PITPNC1: variants seen among roughly 807,000 people sequenced by gnomAD.
PITPNC1 encodes cytoplasmic phosphatidylinositol transfer protein 1.
Under a neutral mutation model 44.7 loss-of-function variants are expected in PITPNC1, and 18 were observed. The observed-to-expected ratio is 0.40, with a 90% CI of 0.28 to 0.60. The LOEUF is 0.60. PITPNC1 is among the 20% of genes least tolerant of loss of function. PITPNC1 has a pLI of 0.39. For missense variants in PITPNC1, 290 were observed against 418.4 expected (o/e 0.69, Z 2.68); for synonymous variants, 141 against 149.6 (o/e 0.94, Z 0.42).
At chr17:67,570,563 C>T (rs902844839) in intron 4 of PITPNC1, among the ~76,000 whole-genome samples, 1 of 152,178 alleles carries the variant, frequency 6.6e-6, no homozygotes, top group Admixed American at 6.5e-5. Context: ...ATGGAGTGGA[C>T]CAACATCTCT....
At chr17:67,687,004 A>T in intron 8 of PITPNC1, 1 of 901,302 alleles carries the variant, frequency 1.1e-6, no homozygotes, top group African/African-American at 1.6e-5. Flanking sequence ...CTTTCCCTAA[A>T]GTGTCCCCAT....
At chr17:67,621,326 A>G (rs2364953) in intron 5 of PITPNC1, among the ~76,000 whole-genome samples, 7,310 of 151,600 alleles carry the variant, frequency 0.048, 410 homozygotes, top group African/African-American at 0.14. Flanking sequence ...TCCTGCCTCA[A>G]CCTCCCTAGT....
intron 5 of PITPNC1, among the ~76,000 whole-genome samples, chr17:67,588,651 A>G (rs1465616685): frequency 6.6e-6 from 1 of 152,242 alleles, no homozygotes; most frequent in East Asian, 1.9e-4. Flanking sequence ...TCACACATCC[A>G]GTGGGAGTCT....
chr17:67,506,999 A>C (rs2040112674), intron 1 of PITPNC1, among the ~76,000 whole-genome samples: 1 of 152,144 alleles, frequency 6.6e-6, no homozygotes, highest in South Asian at 2.1e-4. Context: ...CGATGCTATA[A>C]TCAGTTGATA....
chr17:67,474,569 A>G (rs1312576443), intron 1 of PITPNC1, among the ~76,000 whole-genome samples: 1 of 152,156 alleles, frequency 6.6e-6, no homozygotes, highest in Non-Finnish European at 1.5e-5. Flanking sequence ...GGCAGTGTCA[A>G]ATGTGCCCTG....
intron 2 of PITPNC1, among the ~76,000 whole-genome samples, chr17:67,538,820 A>C (rs2040565216): frequency 6.6e-6 from 1 of 151,944 alleles, no homozygotes; most frequent in Non-Finnish European, 1.5e-5. Flanking sequence ...AACAAAAACA[A>C]AAAAAACCTT....
At position 67,544,845 on chromosome 17, in the gene PITPNC1, G is replaced by A. The variant is rs187967797; in HGVS notation, c.198-7412G>A. ...AGATCTTCCCCAAAATAAGCTCAGT[G>A]CCCAGAACTTGTGTGGCTTTGGGAT... On this transcript the variant is annotated intron_variant, in intron 2 of 8. Transcript: ENST00000581322. 3.7e-3 allele frequency among the ~76,000 whole-genome samples: 560 copies of A among 152,278 alleles called. 5 individuals are homozygous for A. The highest frequency in any genetic ancestry group is 0.013 in the African/African-American group (520 of 41,544).
rs112100189 is a variant in PITPNC1, at chr17:67,382,338, G to GGTGTGTGTGT, written c.48+4161_48+4170dup. 1.4e-4 allele frequency among the ~76,000 whole-genome samples: 20 copies of GGTGTGTGTGT among 146,092 alleles called. 1 individual carries two copies. Among genetic ancestry groups the GGTGTGTGTGT allele is most frequent in the African/African-American group, 4.7e-4 (19 of 40,140 alleles). ...GATTAGAGTGTTGGTGGGGTTTTTT[G>GGTGTGTGTGT]GTGTGTGTGTGTGTGTGTGTGTGTG... On this transcript the variant is annotated intron_variant, in intron 1 of 8. Transcript: ENST00000581322.
chr17:67,633,713 A>G (rs1420199104), intron 6 of PITPNC1, among the ~76,000 whole-genome samples: 1 of 152,260 alleles, frequency 6.6e-6, no homozygotes, highest in Admixed American at 6.5e-5. Context: ...GAAATCCTAT[A>G]GTTTCATGTC....
intron 1 of PITPNC1, among the ~76,000 whole-genome samples, chr17:67,463,056 CTT>C (rs1025492823): frequency 6.6e-6 from 1 of 152,356 alleles, no homozygotes; most frequent in African/African-American, 2.4e-5. Flanking sequence ...CAACTAAAGA[CTT>C]TGGTTTGCAT....
intron 1 of PITPNC1, among the ~76,000 whole-genome samples, chr17:67,484,678 CTGTAATCTCAGCACTT>C (rs2039752683): frequency 6.6e-6 from 1 of 152,172 alleles, no homozygotes; most frequent in African/African-American, 2.4e-5. Context: ...TGGCTCATGC[CTGTAATCTCAGCACTT>C]TGGGAGGCCG....
chr17:67,662,211 T>G (rs563659543), intron 6 of PITPNC1, among the ~76,000 whole-genome samples: 1 of 152,154 alleles, frequency 6.6e-6, no homozygotes, highest in Non-Finnish European at 1.5e-5. Context: ...CACAGAACTC[T>G]GGGAAGCCGA....
At chr17:67,631,673 A>ATATATATATATATATATATATATATAT (rs1380540532) in intron 5 of PITPNC1, among the ~76,000 whole-genome samples, 3 of 52,500 alleles carry the variant, frequency 5.7e-5, no homozygotes, top group Admixed American at 2.3e-4. Flanking sequence ...TATATATATA[A>ATATATATATATATATATATATATATAT]AATATATATT....
At chr17:67,596,394 T>TA (rs959772539) in intron 5 of PITPNC1, among the ~76,000 whole-genome samples, 59 of 151,636 alleles carry the variant, frequency 3.9e-4, no homozygotes, top group African/African-American at 1.4e-3. Flanking sequence ...AGTATTGCTT[T>TA]AAAAAAAAAG....
intron 1 of PITPNC1, among the ~76,000 whole-genome samples, chr17:67,426,802 T>A (rs570005023): frequency 5.9e-4 from 90 of 152,082 alleles, no homozygotes; most frequent in African/African-American, 1.7e-3. Context: ...ATGATTTTTT[T>A]AAAAACTTAT....
chr17:67,587,578 G>C (rs1025512862), intron 5 of PITPNC1, among the ~76,000 whole-genome samples: 1 of 152,168 alleles, frequency 6.6e-6, no homozygotes, highest in African/African-American at 2.4e-5. Context: ...TCTAGGGAGA[G>C]GAGTGACAGA....
At chr17:67,494,978 C>CAAA (rs112686327) in intron 1 of PITPNC1, among the ~76,000 whole-genome samples, 46 of 121,508 alleles carry the variant, frequency 3.8e-4, no homozygotes, top group African/African-American at 9.5e-4. Context: ...CTCAAACTGG[C>CAAA]AAAAAAAAAC....
chr17:67,523,334 T>G (rs1181376602), intron 1 of PITPNC1, among the ~76,000 whole-genome samples: 1 of 152,226 alleles, frequency 6.6e-6, no homozygotes, highest in East Asian at 1.9e-4. Context: ...GGCAGATGCC[T>G]CATTCTCTTA....
intron 1 of PITPNC1, among the ~76,000 whole-genome samples, chr17:67,452,120 G>A (rs1160971089): frequency 6.6e-6 from 1 of 151,308 alleles, no homozygotes; most frequent in East Asian, 2.0e-4. Context: ...TCCTCCCAAC[G>A]TCATCCTCCT....
Sources: allele counts gnomAD v4.1 joint callset (sites outside exome capture counted in the v4.1 genomes callset), GRCh38; gene constraint gnomAD v4.1.1; transcripts MANE v1.5; gene names NCBI Gene and HGNC (gene_info 2026-07-23, HGNC 2026-07-21).